HMGCLL1: variants seen among roughly 807,000 people sequenced by gnomAD.
The protein encoded by HMGCLL1 is 3-hydroxy-3-methylglutaryl-CoA lyase like 1.
Under a neutral mutation model 39.1 loss-of-function variants are expected in HMGCLL1, and 36 were observed. The observed-to-expected ratio is 0.92, with a 90% CI of 0.71 to 1.22. The LOEUF is 1.22. HMGCLL1 is among the 50% of genes most tolerant of loss of function. The pLI, the probability that HMGCLL1 is intolerant of heterozygous loss-of-function variation, is 0.00. For missense variants in HMGCLL1, 451 were observed against 416.5 expected (o/e 1.08, Z -0.72); for synonymous variants, 149 against 144.0 (o/e 1.03, Z -0.25).
At chr6:55,533,590 A>C (rs1768816900) in intron 3 of HMGCLL1, among the ~76,000 whole-genome samples, 1 of 152,166 alleles carries the variant, frequency 6.6e-6, no homozygotes, top group African/African-American at 2.4e-5. Context: ...GTGTCATAGA[A>C]GTTACAACAG....
chr6:55,622,205 G>T, the HMGCLL1 span, among the ~76,000 whole-genome samples: 2 of 151,974 alleles, frequency 1.3e-5, no homozygotes, highest in Non-Finnish European at 2.9e-5. Flanking sequence ...ATACAATGAT[G>T]TCATCTACAA....
upstream of HMGCLL1, among the ~76,000 whole-genome samples, chr6:55,582,492 T>C (rs1772001956): frequency 6.6e-6 from 1 of 152,176 alleles, no homozygotes; most frequent in African/African-American, 2.4e-5. Context: ...TAAGTCATAT[T>C]TCTTAAAAAT....
At chr6:55,452,282 C>G (rs1764131222) in intron 7 of HMGCLL1, among the ~76,000 whole-genome samples, 1 of 152,166 alleles carries the variant, frequency 6.6e-6, no homozygotes, top group Non-Finnish European at 1.5e-5. Context: ...GCTGATTGGA[C>G]TTAAATTTGG....
chr6:55,557,339 C>A (rs984196615), intron 1 of HMGCLL1, among the ~76,000 whole-genome samples: 16 of 151,968 alleles, frequency 1.1e-4, no homozygotes, highest in African/African-American at 3.6e-4. Flanking sequence ...CAGGCTGGTG[C>A]GCCAAAATAA....
At chr6:55,645,917 T>G in the HMGCLL1 span, among the ~76,000 whole-genome samples, 1 of 152,054 alleles carries the variant, frequency 6.6e-6, no homozygotes, top group Non-Finnish European at 1.5e-5. Flanking sequence ...TAAAATGAGT[T>G]TGAAAGTATT....
chr6:55,506,102 C>T (rs1249877147), intron 5 of HMGCLL1, among the ~76,000 whole-genome samples: 2 of 151,690 alleles, frequency 1.3e-5, no homozygotes, highest in African/African-American at 4.8e-5. Flanking sequence ...TCTACTACAT[C>T]AGTTGAGCTG....
chr6:55,455,168 C>T (rs76021316), intron 7 of HMGCLL1, among the ~76,000 whole-genome samples: 5,152 of 152,072 alleles, frequency 0.034, 110 homozygotes, highest in African/African-American at 0.045. Context: ...TGAGTATTAC[C>T]ATTCACATTC....
intron 3 of HMGCLL1, among the ~76,000 whole-genome samples, chr6:55,517,284 A>C (rs1767791027): frequency 6.6e-6 from 1 of 152,224 alleles, no homozygotes; most frequent in South Asian, 2.1e-4. Context: ...TATCAAATTT[A>C]CCAGTTTGCC....
chr6:55,666,130 C>A, the HMGCLL1 span, among the ~76,000 whole-genome samples: 14 of 151,618 alleles, frequency 9.2e-5, no homozygotes, highest in Non-Finnish European at 1.5e-4. Context: ...CTTCTATAAA[C>A]CCTCTTTTTT....
intron 1 of HMGCLL1, among the ~76,000 whole-genome samples, chr6:55,543,908 T>TCTA (rs1451086405): frequency 6.6e-6 from 1 of 151,964 alleles, no homozygotes; most frequent in African/African-American, 2.4e-5. Context: ...AAAGACTATT[T>TCTA]CTACTTCCAT....
At chr6:55,546,325 C>T (rs547315834) in intron 1 of HMGCLL1, among the ~76,000 whole-genome samples, 2 of 152,040 alleles carry the variant, frequency 1.3e-5, no homozygotes, top group African/African-American at 4.8e-5. Flanking sequence ...ATTTTCATAA[C>T]GTTTTGTAGA....
chr6:55,473,011 T>C (rs151275769), intron 7 of HMGCLL1, among the ~76,000 whole-genome samples: 91 of 151,596 alleles, frequency 6.0e-4, no homozygotes, highest in African/African-American at 2.0e-3. Context: ...TCTTTGATAA[T>C]TTTTTTCTTT....
chr6:55,623,262 A>G, the HMGCLL1 span, among the ~76,000 whole-genome samples: 2 of 151,032 alleles, frequency 1.3e-5, no homozygotes, highest in Admixed American at 6.6e-5. Flanking sequence ...TGCTCTGATC[A>G]TTGTTATTTC....
chr6:55,438,297 G>A (rs138007036), intron 8 of HMGCLL1, among the ~76,000 whole-genome samples: 3,522 of 152,208 alleles, frequency 0.023, 56 homozygotes, highest in African/African-American at 0.03. Context: ...TTAGTGCCAA[G>A]TGAAATCAGT....
At chr6:55,545,226 A>AAG (rs1554157192) in intron 1 of HMGCLL1, among the ~76,000 whole-genome samples, 17,042 of 143,034 alleles carry the variant, frequency 0.12, 1,206 homozygotes, top group East Asian at 0.23. Flanking sequence ...AAAAAAAAAA[A>AAG]AAGAAGAAAA....
chr6:55,573,296 T>C lies in HMGCLL1; in HGVS notation c.108+5652A>G, dbSNP rs77141874. 9.6e-3 allele frequency among the ~76,000 whole-genome samples: 1,460 copies of C among 152,290 alleles called. 6 individuals carry two copies. The highest frequency in any genetic ancestry group is 0.016 in the Non-Finnish European group (1,090 of 68,012). The stretch of plus-strand genomic sequence containing the variant: ...GACAGTATTATTCAGAGTCTCAAAT[T>C]ACATCTATAATTATTTTCATACCAG... On this transcript the variant is annotated intron_variant, in intron 1 of 8. Coordinates refer to ENST00000274901, the MANE Select transcript of HMGCLL1 (RefSeq NM_001042406.2).
chr6:55,499,596 C>T (rs1201317126), intron 5 of HMGCLL1, among the ~76,000 whole-genome samples: 1 of 151,958 alleles, frequency 6.6e-6, no homozygotes, highest in East Asian at 1.9e-4. Context: ...ACATTCAAAG[C>T]AGAAAATACC....
At chr6:55,469,107 T>C (rs370822568) in intron 7 of HMGCLL1, among the ~76,000 whole-genome samples, 2 of 150,162 alleles carry the variant, frequency 1.3e-5, no homozygotes, top group South Asian at 4.2e-4. Context: ...AGAACAAATA[T>C]TAATGCTGCA....
chr6:55,658,566 A>G, the HMGCLL1 span, among the ~76,000 whole-genome samples: 1 of 151,906 alleles, frequency 6.6e-6, no homozygotes, highest in Non-Finnish European at 1.5e-5. Flanking sequence ...GTATATATCT[A>G]AAGAAGGTTA....
Sources: allele counts gnomAD v4.1 joint callset (sites outside exome capture counted in the v4.1 genomes callset), GRCh38; gene constraint gnomAD v4.1.1; transcripts MANE v1.5; gene names NCBI Gene and HGNC (gene_info 2026-07-23, HGNC 2026-07-21).